INPP4B: variants seen among roughly 807,000 people sequenced by gnomAD.
The protein encoded by INPP4B is inositol polyphosphate 4-phosphatase type II.
A neutral mutation model predicts 122.5 loss-of-function variants in INPP4B; 55 were observed. That is an observed-to-expected ratio of 0.45 (90% CI 0.36 to 0.56). The LOEUF is 0.56. Among genes scored for constraint, INPP4B ranks in the 20% least tolerant of loss-of-function variants. INPP4B has a pLI of 0.00. For missense variants in INPP4B, 1,000 were observed against 1,097.7 expected, an observed-to-expected ratio of 0.91 and a Z score of 1.26; for synonymous variants, 403 against 388.7, an observed-to-expected ratio of 1.04 and a Z score of -0.43.
At chr4:142,128,206 ATGTG>A (rs57366796) in intron 18 of INPP4B, among the ~76,000 whole-genome samples, 18,782 of 150,674 alleles carry the variant, frequency 0.12, 1,339 homozygotes, top group East Asian at 0.23. Context: ...AAATATATAT[ATGTG>A]TGTGTGTGTG....
intron 2 of INPP4B, among the ~76,000 whole-genome samples, chr4:142,520,324 G>A (rs1580270213): frequency 6.6e-6 from 1 of 151,876 alleles, no homozygotes; most frequent in East Asian, 1.9e-4. Context: ...ACAAGGGTTA[G>A]CTATTCATCA....
intron 23 of INPP4B, among the ~76,000 whole-genome samples, chr4:142,103,670 A>AGATACTAC (rs1785567928): frequency 6.6e-6 from 1 of 152,166 alleles, no homozygotes; most frequent in African/African-American, 2.4e-5. Context: ...TTAAATTGAA[A>AGATACTAC]GATACTACGG....
intron 2 of INPP4B, among the ~76,000 whole-genome samples, chr4:142,600,022 G>A (rs1183410557): frequency 1.3e-5 from 2 of 152,014 alleles, no homozygotes; most frequent in African/African-American, 2.4e-5. Context: ...TGATATATGA[G>A]AAACTATTAA....
At chr4:142,632,397 G>A (rs1162896161) in intron 2 of INPP4B, among the ~76,000 whole-genome samples, 1 of 152,130 alleles carries the variant, frequency 6.6e-6, no homozygotes, top group Non-Finnish European at 1.5e-5. Flanking sequence ...TAGATCTCAT[G>A]AAGATAGAGA....
At chr4:142,189,802 G>A (rs1001830801) in intron 15 of INPP4B, among the ~76,000 whole-genome samples, 3 of 152,068 alleles carry the variant, frequency 2.0e-5, no homozygotes, top group African/African-American at 7.2e-5. Context: ...GACACTGGTG[G>A]GCAAAATCAT....
chr4:142,624,638 C>T (rs1428408505), intron 2 of INPP4B, among the ~76,000 whole-genome samples: 2 of 152,062 alleles, frequency 1.3e-5, no homozygotes, highest in Non-Finnish European at 2.9e-5. Flanking sequence ...ATGAGGCCAG[C>T]ATCATCCTGA....
At chr4:142,303,709 A>AT (rs1231524780) in intron 9 of INPP4B, among the ~76,000 whole-genome samples, 2 of 152,156 alleles carry the variant, frequency 1.3e-5, no homozygotes, top group African/African-American at 4.8e-5. Flanking sequence ...TTCTAACATT[A>AT]TTTTTTCTAG....
chr4:142,817,276 G>A (rs1185711128), intron 1 of INPP4B, among the ~76,000 whole-genome samples: 1 of 152,074 alleles, frequency 6.6e-6, no homozygotes, highest in Non-Finnish European at 1.5e-5. Context: ...AGTTTTTAGT[G>A]AGGTTTCCAG....
rs564971911 is a variant in INPP4B at position 142,688,352 on chromosome 4, A to G, written c.-191+37487T>C. Among the ~76,000 whole-genome samples, 7 of 152,132 alleles carry G rather than the reference A, an allele frequency of 4.6e-5. No individual in the cohort carries two copies. In the South Asian group the frequency reaches 1.5e-3, roughly 32 times the overall value. On this transcript the variant is annotated intron_variant, in intron 2 of 25. Coordinates refer to ENST00000262992, the MANE Select transcript of INPP4B (RefSeq NM_001101669.3). ...GACTGTGTACCATTCCCCCAAATAC[A>G]CCATGAGTGATTTTTTTTGCCTTCA...
chr4:142,775,447 G>A (rs72728641), intron 1 of INPP4B, among the ~76,000 whole-genome samples: 34,978 of 151,276 alleles, frequency 0.23, 4,329 homozygotes, highest in South Asian at 0.35. Context: ...GATATGTTGA[G>A]TATCCTTTTG....
rs774016329 is a variant in INPP4B, at chr4:142,209,017, C to T, written c.846G>A (p.Glu282=). The T allele has an allele frequency of 5.0e-6, 8 of 1,600,836 alleles. No individual in the cohort carries two copies. The highest frequency in any genetic ancestry group is 1.1e-5 in the South Asian group (1 of 88,808). Residue 282 remains glutamate, a synonymous_variant, in exon 13 of 26, where the codon GAG becomes GAA. Transcript: ENST00000262992. ...HIKEDLCRNQ[E]IKELGELSPH... ...GAGAAAGCTCACCAAGTTCTTTTAT[C>T]TCCTGGTTTCTGTTAAGAGTGGAAG...
chr4:142,343,872 G>A (rs1342370098), intron 7 of INPP4B, among the ~76,000 whole-genome samples: 3 of 152,046 alleles, frequency 2.0e-5, no homozygotes, highest in African/African-American at 4.8e-5. Flanking sequence ...GATAATATAT[G>A]TGAAAGCACA....
intron 3 of INPP4B, among the ~76,000 whole-genome samples, chr4:142,441,577 T>C (rs1197608941): frequency 6.6e-6 from 1 of 152,142 alleles, no homozygotes; most frequent in Non-Finnish European, 1.5e-5. Context: ...ATTTGGCTAA[T>C]GGTTAAAACC....
chr4:142,346,755 A>T (rs190742364), intron 7 of INPP4B, among the ~76,000 whole-genome samples: 100 of 152,198 alleles, frequency 6.6e-4, no homozygotes, highest in Admixed American at 2.0e-3. Flanking sequence ...GATAACTGAA[A>T]TGTTTGGTAT....
rs1432851624 is a variant in INPP4B, at chr4:142,619,167, C to T, written c.-191+106672G>A. ...AAAACAGTGCAGCTGCTGTAGAAAA[C>T]AGTATGGAGATTCCTAAAAAAAAAA... is the stretch of plus-strand genomic sequence containing the variant. On this transcript the variant is annotated intron_variant, in intron 2 of 25. Coordinates refer to ENST00000262992, the MANE Select transcript of INPP4B (RefSeq NM_001101669.3). 2.6e-5 allele frequency among the ~76,000 whole-genome samples: 4 copies of T among 151,790 alleles called. No individual in the cohort carries two copies. In the East Asian group the frequency reaches 7.8e-4, roughly 29 times the overall value.
intron 3 of INPP4B, among the ~76,000 whole-genome samples, chr4:142,456,412 T>G (rs1390851996): frequency 6.6e-6 from 1 of 152,034 alleles, no homozygotes; most frequent in Non-Finnish European, 1.5e-5. Context: ...TTCTTGACAA[T>G]TTTGTCAAAA....
At chr4:142,538,710 T>G (rs1828573690) in intron 2 of INPP4B, among the ~76,000 whole-genome samples, 1 of 152,116 alleles carries the variant, frequency 6.6e-6, no homozygotes, top group South Asian at 2.1e-4. Context: ...CTATTTTGAA[T>G]ATAAGTAGTG....
intron 2 of INPP4B, among the ~76,000 whole-genome samples, chr4:142,623,753 G>A (rs181152247): frequency 0.011 from 1,606 of 142,860 alleles, 32 homozygotes; most frequent in African/African-American, 0.039. Flanking sequence ...AGAGTGTGAT[G>A]TTCCCCTTCC....
chr4:142,226,918 A>G (rs1393483474), intron 12 of INPP4B, among the ~76,000 whole-genome samples: 1 of 152,144 alleles, frequency 6.6e-6, no homozygotes, highest in African/African-American at 2.4e-5. Context: ...CTGAGATAGG[A>G]ACTAATTGAG....
Sources: allele counts gnomAD v4.1 joint callset (sites outside exome capture counted in the v4.1 genomes callset), GRCh38; gene constraint gnomAD v4.1.1; transcripts MANE v1.5; gene names NCBI Gene and HGNC (gene_info 2026-07-23, HGNC 2026-07-21).